Variants in LRRC4C observed in about 807,000 individuals in gnomAD.
LRRC4C encodes leucine-rich repeat-containing protein 4C.
A neutral mutation model predicts 33.6 loss-of-function variants in LRRC4C; 5 were observed. The ratio of observed to expected loss-of-function variants is 0.15; its 90% CI spans 0.08 to 0.31. The LOEUF is 0.31. Among genes scored for constraint, LRRC4C ranks in the 10% least tolerant of loss-of-function variants. The pLI is 1.00. For missense variants in LRRC4C, 560 were observed against 796.7 expected (o/e 0.70, Z 3.58); for synonymous variants, 329 against 302.0 (o/e 1.09, Z -0.93).
intron 3 of LRRC4C, among the ~76,000 whole-genome samples, chr11:40,442,822 C>T (rs1951455669): frequency 6.6e-6 from 1 of 152,146 alleles, no homozygotes; most frequent in Non-Finnish European, 1.5e-5. Context: ...GGTCTTGTAT[C>T]TCAATTTAGA....
chr11:40,814,290 A>T (rs1184520305), intron 2 of LRRC4C, among the ~76,000 whole-genome samples: 3 of 152,126 alleles, frequency 2.0e-5, no homozygotes, highest in Non-Finnish European at 4.4e-5. Context: ...TCAATACCAC[A>T]TCAAAGCTGC....
At chr11:41,288,811 C>A (rs1949909406) in intron 1 of LRRC4C, among the ~76,000 whole-genome samples, 1 of 152,112 alleles carries the variant, frequency 6.6e-6, no homozygotes, top group Non-Finnish European at 1.5e-5. Flanking sequence ...TTGGCAGAAT[C>A]CATTTACTTA....
intron 1 of LRRC4C, among the ~76,000 whole-genome samples, chr11:40,973,758 G>A (rs1413741103): frequency 6.6e-6 from 1 of 151,930 alleles, no homozygotes; most frequent in Non-Finnish European, 1.5e-5. Context: ...AACTAGACTG[G>A]TTTTTAATTT....
chr11:40,719,301 T>A (rs938860687), intron 2 of LRRC4C, among the ~76,000 whole-genome samples: 1 of 152,238 alleles, frequency 6.6e-6, no homozygotes, highest in Non-Finnish European at 1.5e-5. Flanking sequence ...AAACCATGAA[T>A]ATTTTTAATT....
chr11:41,221,287 T>TG (rs1491171138), intron 1 of LRRC4C, among the ~76,000 whole-genome samples: 1 of 139,264 alleles, frequency 7.2e-6, no homozygotes, highest in African/African-American at 2.9e-5. Flanking sequence ...AACCATCATA[T>TG]GAAAAAAAAA....
At chr11:40,587,103 A>C (rs1462747166) in intron 3 of LRRC4C, among the ~76,000 whole-genome samples, 1 of 151,938 alleles carries the variant, frequency 6.6e-6, no homozygotes, top group Non-Finnish European at 1.5e-5. Flanking sequence ...CTTCCTACCC[A>C]TGAGCATGGA....
intron 3 of LRRC4C, among the ~76,000 whole-genome samples, chr11:40,395,075 A>T (rs1383298161): frequency 6.6e-6 from 1 of 152,158 alleles, no homozygotes; most frequent in African/African-American, 2.4e-5. Context: ...GATATAGTCT[A>T]TAATGTAGAT....
intron 3 of LRRC4C, among the ~76,000 whole-genome samples, chr11:40,469,580 C>T (rs1368074501): frequency 2.6e-5 from 4 of 152,144 alleles, no homozygotes; most frequent in Non-Finnish European, 5.9e-5. Flanking sequence ...GCCAAGTGGT[C>T]TAGCTCAGTG....
At chr11:40,898,896 T>C (rs900400608) in intron 2 of LRRC4C, among the ~76,000 whole-genome samples, 4 of 152,186 alleles carry the variant, frequency 2.6e-5, no homozygotes, top group Non-Finnish European at 2.9e-5. Flanking sequence ...CAAAGCTACT[T>C]GGTATCTGCA....
At chr11:40,875,697 GT>G (rs1428758367) in intron 2 of LRRC4C, among the ~76,000 whole-genome samples, 6 of 152,118 alleles carry the variant, frequency 3.9e-5, no homozygotes, top group Admixed American at 1.3e-4. Context: ...TAACTCAGCA[GT>G]CCCAAACCTT....
At chr11:40,856,693 T>G (rs1953801089) in intron 2 of LRRC4C, among the ~76,000 whole-genome samples, 1 of 152,206 alleles carries the variant, frequency 6.6e-6, no homozygotes, top group Non-Finnish European at 1.5e-5. Flanking sequence ...AAACAATATT[T>G]CTTAATTGAT....
intron 1 of LRRC4C, among the ~76,000 whole-genome samples, chr11:40,987,554 G>C (rs561811019): frequency 2.0e-5 from 3 of 148,496 alleles, no homozygotes; most frequent in Admixed American, 6.8e-5. Context: ...ATCTAGTATC[G>C]GAGCATGGAA....
At chr11:41,113,218 A>G (rs1376769518) in intron 1 of LRRC4C, among the ~76,000 whole-genome samples, 2 of 152,038 alleles carry the variant, frequency 1.3e-5, no homozygotes, top group Admixed American at 6.6e-5. Context: ...AAATTGATCC[A>G]CCGCTCATCA....
chr11:41,369,327 T>C (rs1952658537), intron 1 of LRRC4C, among the ~76,000 whole-genome samples: 3 of 152,098 alleles, frequency 2.0e-5, no homozygotes, highest in Admixed American at 2.0e-4. Flanking sequence ...GAGTAACAAT[T>C]GAGATCAGAG....
At chr11:40,990,830 C>T (rs191345189) in intron 1 of LRRC4C, among the ~76,000 whole-genome samples, 1 of 151,986 alleles carries the variant, frequency 6.6e-6, no homozygotes, top group East Asian at 1.9e-4. Flanking sequence ...TAAAGTTTGA[C>T]CTTTGAATAT....
intron 3 of LRRC4C, among the ~76,000 whole-genome samples, chr11:40,609,042 A>C (rs900129703): frequency 2.0e-5 from 3 of 152,084 alleles, no homozygotes; most frequent in African/African-American, 7.2e-5. Context: ...TAGGAAACAA[A>C]ATTCGAACAA....
chr11:41,344,579 T>TAAAA (rs1951745622), intron 1 of LRRC4C, among the ~76,000 whole-genome samples: 1 of 122,678 alleles, frequency 8.2e-6, no homozygotes, highest in African/African-American at 2.7e-5. Context: ...TTATAGTGCC[T>TAAAA]GTGGTTGGTT....
chr11:41,421,331 A>G (rs1465702337), intron 1 of LRRC4C, among the ~76,000 whole-genome samples: 1 of 152,058 alleles, frequency 6.6e-6, no homozygotes, highest in African/African-American at 2.4e-5. Context: ...CTACACTTCC[A>G]TCTGCCATAG....
rs78588007 is a variant in LRRC4C, at chr11:40,630,735, C to G, written c.-270+17407G>C. Reference sequence around the variant, plus strand: ...AGTCTCACCAGAACATAACCAAGTTCAGTACTTTGGTTGCTTGCTTTTCAA... The same window carrying G: ...AGTCTCACCAGAACATAACCAAGTTGAGTACTTTGGTTGCTTGCTTTTCAA... On this transcript the variant is annotated intron_variant, in intron 3 of 6. Transcript: ENST00000528697. 3.9e-3 allele frequency among the ~76,000 whole-genome samples: 600 copies of G among 152,202 alleles called. 7 individuals are homozygous for G. The highest frequency in any genetic ancestry group is 0.018 in the Admixed American group (282 of 15,284).
Sources: allele counts gnomAD v4.1 joint callset (sites outside exome capture counted in the v4.1 genomes callset), GRCh38; gene constraint gnomAD v4.1.1; transcripts MANE v1.5; gene names NCBI Gene and HGNC (gene_info 2026-07-23, HGNC 2026-07-21).